The following GNB1 variants were observed in gnomAD, a reference collection of about 807,000 sequenced individuals.
GNB1 encodes the protein G protein subunit beta 1.
In GNB1, 2 loss-of-function variants were observed where a neutral mutation model predicts 42.9. The observed-to-expected ratio is 0.05, with a 90% CI of 0.02 to 0.15. The LOEUF (loss-of-function observed/expected upper bound fraction) is 0.15. Ranked by LOEUF, GNB1 falls within the 10% of genes least tolerant of loss-of-function variation. The probability of loss-of-function intolerance (pLI) is 1.00; values close to 1 mark genes in which losing one functional copy is unlikely to be tolerated. For missense variants in GNB1, 193 were observed against 462.2 expected (o/e 0.42, Z 5.34); for synonymous variants, 183 against 174.7 (o/e 1.05, Z -0.38).
Position 1,891,072 on chromosome 1 carries a change from G to C in GNB1, c.-348C>G, listed in dbSNP as rs1487199272. Reference sequence around the variant, plus strand: ...TCAGACGCCTCCAGCCATCGGGATGGGCGCGGCGGGCCCCTGCCCGCAGCC... The same window carrying C: ...TCAGACGCCTCCAGCCATCGGGATGCGCGCGGCGGGCCCCTGCCCGCAGCC... On this transcript the variant is annotated 5_prime_UTR_variant, in exon 1 of 12. Coordinates refer to ENST00000378609, the MANE Select transcript of GNB1 (RefSeq NM_002074.5). 1 of 151,454 alleles carries C rather than the reference G, an allele frequency of 6.6e-6. No homozygotes were observed. Among genetic ancestry groups the C allele is most frequent in the Admixed American group, 6.6e-5 (1 of 15,108 alleles). 9.4% of individuals were successfully genotyped at this position (151,454 alleles called of 1,614,324 possible).
chr1:1,795,357 C>T (rs1000287057), intron 7 of GNB1, among the ~76,000 whole-genome samples: 10 of 152,254 alleles, frequency 6.6e-5, no homozygotes, highest in South Asian at 2.1e-4. Context: ...TAGCACTTAG[C>T]CTGTTTGAAT....
chr1:1,882,317 AT>A (rs1368083164), intron 1 of GNB1, among the ~76,000 whole-genome samples: 2 of 150,454 alleles, frequency 1.3e-5, no homozygotes, highest in Non-Finnish European at 2.9e-5. Context: ...AATCCCAACT[AT>A]TTGGGAGGCT....
At chr1:1,844,917 C>G (rs1322004109) in intron 1 of GNB1, among the ~76,000 whole-genome samples, 2 of 152,188 alleles carry the variant, frequency 1.3e-5, no homozygotes, top group African/African-American at 4.8e-5. Flanking sequence ...GCCTAAAGGC[C>G]TGGGGGCTTG....
intron 7 of GNB1, among the ~76,000 whole-genome samples, chr1:1,801,088 T>C (rs552386881): frequency 9.3e-4 from 142 of 152,364 alleles, no homozygotes; most frequent in Non-Finnish European, 1.8e-3. Flanking sequence ...GGAGGTGCAG[T>C]GGCGTGATCT....
intron 1 of GNB1, among the ~76,000 whole-genome samples, chr1:1,853,193 C>T (rs1410241662): frequency 2.0e-5 from 3 of 152,182 alleles, no homozygotes; most frequent in Admixed American, 2.0e-4. Flanking sequence ...CTCTATCCCA[C>T]CTCTTTTCCA....
At chr1:1,841,458 G>A (rs1647240581) in intron 1 of GNB1, among the ~76,000 whole-genome samples, 1 of 152,210 alleles carries the variant, frequency 6.6e-6, no homozygotes, top group Non-Finnish European at 1.5e-5. Context: ...GGGATTACAG[G>A]CCTGAGCCAC....
At chr1:1,789,914 G>A (rs1646459864) in intron 9 of GNB1, among the ~76,000 whole-genome samples, 1 of 152,194 alleles carries the variant, frequency 6.6e-6, no homozygotes, top group African/African-American at 2.4e-5. Flanking sequence ...TAATCTCATG[G>A]AGGAAGGAGG....
chr1:1,835,129 G>A (rs1246767709), intron 2 of GNB1, among the ~76,000 whole-genome samples: 1 of 152,316 alleles, frequency 6.6e-6, no homozygotes, highest in Admixed American at 6.5e-5. Context: ...GCAAATGGGC[G>A]GTGGGGGTTA....
chr1:1,843,841 C>T (rs1000732265), intron 1 of GNB1, among the ~76,000 whole-genome samples: 1 of 151,744 alleles, frequency 6.6e-6, no homozygotes, highest in African/African-American at 2.4e-5. Flanking sequence ...GGGTGGATCA[C>T]CTGAGGTCAT....
chr1:1,797,705 G>A (rs764220026), intron 7 of GNB1, among the ~76,000 whole-genome samples: 2 of 152,222 alleles, frequency 1.3e-5, no homozygotes, highest in Non-Finnish European at 2.9e-5. Context: ...CCAAAGTGCT[G>A]GGATTATAGG....
At chr1:1,803,705 C>T (rs193302663) in intron 7 of GNB1, among the ~76,000 whole-genome samples, 163 of 152,220 alleles carry the variant, frequency 1.1e-3, no homozygotes, top group African/African-American at 3.5e-3. Context: ...TTCATAAGGC[C>T]GGGCGCAGCG....
chr1:1,838,476 G>A lies in GNB1; in HGVS notation c.-47+714C>T, dbSNP rs908725946. 3.0e-4 allele frequency among the ~76,000 whole-genome samples: 44 copies of A among 144,670 alleles called. 1 individual carries two copies. The highest frequency in any genetic ancestry group is 4.5e-5 in the Non-Finnish European group (3 of 66,690). 94.9% of individuals were successfully genotyped at this position (144,670 alleles called of 152,430 possible). ...TTTTTTTTTTTTGAGACGGAGTCTC[G>A]CTCTGTCCCACAGGCTGGAGTGCAG... On this transcript the variant is annotated intron_variant, in intron 2 of 11. Coordinates refer to ENST00000378609, the MANE Select transcript of GNB1 (RefSeq NM_002074.5).
At chr1:1,811,081 A>ATATAT (rs1176955458) in intron 5 of GNB1, among the ~76,000 whole-genome samples, 3 of 73,146 alleles carry the variant, frequency 4.1e-5, no homozygotes, top group South Asian at 3.2e-4. Flanking sequence ...ATATATATAT[A>ATATAT]TTTTTTTTTT....
intron 1 of GNB1, among the ~76,000 whole-genome samples, chr1:1,853,397 G>A (rs923563960): frequency 6.6e-6 from 1 of 152,274 alleles, no homozygotes; most frequent in East Asian, 1.9e-4. Context: ...AGCCTAGAAA[G>A]GGCCAAACAC....
chr1:1,829,358 A>C (rs1382968963), intron 2 of GNB1, among the ~76,000 whole-genome samples: 1 of 152,146 alleles, frequency 6.6e-6, no homozygotes, highest in Non-Finnish European at 1.5e-5. Flanking sequence ...CCCCGCCTAA[A>C]AATGTATTTT....
chr1:1,867,457 G>A (rs1241570682), intron 1 of GNB1, among the ~76,000 whole-genome samples: 1 of 152,140 alleles, frequency 6.6e-6, no homozygotes, highest in African/African-American at 2.4e-5. Flanking sequence ...TTATATTTTA[G>A]TGGCTACTGA....
intron 1 of GNB1, among the ~76,000 whole-genome samples, chr1:1,845,487 G>C (rs1040374608): frequency 3.3e-5 from 5 of 152,048 alleles, no homozygotes; most frequent in Admixed American, 3.3e-4. Flanking sequence ...GCAGGAGAAT[G>C]GCGTGAACCC....
intron 1 of GNB1, among the ~76,000 whole-genome samples, chr1:1,876,017 G>C (rs1355095543): frequency 6.6e-6 from 1 of 152,062 alleles, no homozygotes; most frequent in African/African-American, 2.4e-5. Context: ...GTAAAACAGA[G>C]GTAGAGAGTG....
At position 1,809,809 on chromosome 1, in the gene GNB1, T is replaced by C. The variant is rs189096448; in HGVS notation, c.204-3271A>G. 3.9e-5 allele frequency among the ~76,000 whole-genome samples: 6 copies of C among 152,272 alleles called. No individual in the cohort carries two copies. In the East Asian group the frequency reaches 1.2e-3, roughly 29 times the overall value. ...GGTTCACGTTGCCTAGTAGTGCCTT[T>C]ACCTACTCAAAAATCAATTATCTGA... is the stretch of plus-strand genomic sequence containing the variant. On this transcript the variant is annotated intron_variant, in intron 5 of 11. Coordinates refer to ENST00000378609, the MANE Select transcript of GNB1 (RefSeq NM_002074.5).
Sources: gnomAD v4.1 joint callset for allele counts (sites outside exome capture counted in the v4.1 genomes callset) on GRCh38, gnomAD v4.1.1 for gene constraint, MANE v1.5 for transcripts, NCBI Gene and HGNC (gene_info 2026-07-23, HGNC 2026-07-21) for gene names.